Variants in SH2D3C observed in about 807,000 individuals in gnomAD.
The protein encoded by SH2D3C is SH2 domain containing 3C.
A neutral mutation model predicts 75.2 loss-of-function variants in SH2D3C; 25 were observed. The ratio of observed to expected loss-of-function variants is 0.33; its 90% confidence interval spans 0.24 to 0.46. The LOEUF (loss-of-function observed/expected upper bound fraction) is 0.46, where lower values mean the gene tolerates loss of function less well. Ranked by LOEUF, SH2D3C falls within the 20% of genes least tolerant of loss-of-function variation. The probability of loss-of-function intolerance (pLI) is 1.00; values close to 1 mark genes in which losing one functional copy is unlikely to be tolerated. For synonymous variants in SH2D3C, 450 were observed against 473.7 expected, an observed-to-expected ratio of 0.95 and a Z score of 0.65; for missense variants, 933 against 1,165.3, an observed-to-expected ratio of 0.80 and a Z score of 2.90.
chr9:127,761,511 G>T, intron 3 of SH2D3C, 100 bp downstream of exon 3: 2 of 797,486 alleles, frequency 2.5e-6, no homozygotes, highest in Non-Finnish European at 4.2e-6. Context: ...GTGAGGTCTG[G>T]CTCCTAACAA....
chr9:127,755,078 C>G, intron 3 of SH2D3C: 1 of 1,204,150 alleles, frequency 8.3e-7, no homozygotes, highest in Non-Finnish European at 1.0e-6. Flanking sequence ...CGCCCCCTCA[C>G]CTGCACCTGC....
chr9:127,771,153 C>T (rs942897286), intron 2 of SH2D3C: 27 of 1,502,306 alleles, frequency 1.8e-5, no homozygotes, highest in Non-Finnish European at 2.1e-5. Context: ...CTGCTCCCCG[C>T]TGGCCCTCCC....
intron 4 of SH2D3C, among the ~76,000 whole-genome samples, chr9:127,750,323 T>G (rs1845164169): frequency 6.6e-6 from 1 of 151,850 alleles, no homozygotes; most frequent in African/African-American, 2.4e-5. Flanking sequence ...CCTGGCTAAT[T>G]TTCGTATTTT....
chr9:127,764,045 A>C (rs1429662113), intron 2 of SH2D3C, among the ~76,000 whole-genome samples: 1 of 151,982 alleles, frequency 6.6e-6, no homozygotes, highest in Non-Finnish European at 1.5e-5. Flanking sequence ...AGGCCCGGAA[A>C]TCCTCCCACT....
intron 1 of SH2D3C, among the ~76,000 whole-genome samples, chr9:127,777,756 C>T (rs1031701524): frequency 6.6e-6 from 1 of 152,026 alleles, no homozygotes; most frequent in Admixed American, 6.6e-5. Flanking sequence ...AGATGGAGAA[C>T]GAAGTCAGTC....
chr9:127,738,893 C>T lies in SH2D3C; in HGVS notation c.2436G>A (p.Glu812=). The T allele has an allele frequency of 5.7e-6, 9 of 1,591,366 alleles. No individual in the cohort carries two copies. The highest frequency in any genetic ancestry group is 7.7e-6 in the Non-Finnish European group (9 of 1,168,688). Residue 812 remains glutamate, a synonymous_variant, in exon 12 of 12, where the codon GAG becomes GAA. Coordinates refer to ENST00000314830, the MANE Select transcript of SH2D3C (RefSeq NM_170600.3). This position sits in a 1 kb window ranked among gnomAD's most constrained non-coding sequence, Gnocchi z 5.0. ...QGFQARPELL[E]VFSTEFQMRL... ...GCATCTGGAACTCCGTGCTGAACAC[C>T]TCCAGGAGCTCCGGCCGGGCCTGGA...
chr9:127,776,823 C>A (rs930011522), intron 1 of SH2D3C, among the ~76,000 whole-genome samples: 1 of 152,206 alleles, frequency 6.6e-6, no homozygotes, highest in African/African-American at 2.4e-5. Context: ...GGTTTGCTTC[C>A]CAGCCCTGCC....
Position 127,738,977 on chromosome 9 carries a change from T to C in SH2D3C, c.2408-56A>G. On this transcript the variant is annotated intron_variant, in intron 11 of 11. Coordinates refer to ENST00000314830, the MANE Select transcript of SH2D3C (RefSeq NM_170600.3). The surrounding 1 kb of genome is among the most constrained non-coding windows in gnomAD (Gnocchi z 5.0). ...AGGCTGGGGTTCCTGTCCAGAGCCC[T>C]AGCATTCTTCAGGACCCCCCTGTTA... is the stretch of plus-strand genomic sequence containing the variant. 7.0e-7 allele frequency: 1 copy of C among 1,437,344 alleles called. No individual in the cohort carries two copies. Among genetic ancestry groups the C allele is most frequent in the South Asian group, 1.5e-5 (1 of 68,664 alleles). 89.0% of individuals were successfully genotyped at this position (1,437,344 alleles called of 1,614,324 possible). A position where few individuals can be genotyped will look rare whatever the true frequency, so the allele number is the denominator to read the frequency against.
intron 3 of SH2D3C, among the ~76,000 whole-genome samples, chr9:127,755,967 A>G (rs1017964521): frequency 6.6e-5 from 10 of 152,226 alleles, no homozygotes; most frequent in Admixed American, 5.2e-4. Context: ...TAAGCGCTCA[A>G]TAAGTGCACG....
chr9:127,771,520 C>G, intron 2 of SH2D3C: 1 of 485,486 alleles, frequency 2.1e-6, no homozygotes. Flanking sequence ...CTAGCACACC[C>G]CTCCGCCTCG....
intron 2 of SH2D3C, among the ~76,000 whole-genome samples, chr9:127,765,463 C>A (rs1845616439): frequency 6.6e-6 from 1 of 152,092 alleles, no homozygotes; most frequent in Non-Finnish European, 1.5e-5. Flanking sequence ...TCACAGCAGC[C>A]CCCTGCAGCC....
intron 3 of SH2D3C, among the ~76,000 whole-genome samples, chr9:127,752,019 A>G (rs1845216576): frequency 6.6e-6 from 1 of 152,190 alleles, no homozygotes; most frequent in Admixed American, 6.5e-5. Context: ...ATCCTCACCC[A>G]GATGGGGAGA....
intron 7 of SH2D3C, among the ~76,000 whole-genome samples, chr9:127,743,478 C>T (rs1844927382): frequency 6.6e-6 from 1 of 151,930 alleles, no homozygotes; most frequent in South Asian, 2.1e-4. Flanking sequence ...ACTCCAGCCT[C>T]GGTGACAGAG....
intron 6 of SH2D3C, among the ~76,000 whole-genome samples, chr9:127,745,989 T>A (rs1845019019): frequency 6.6e-6 from 1 of 152,194 alleles, no homozygotes; most frequent in African/African-American, 2.4e-5. Context: ...ACTTTTATAA[T>A]CCTCATTCTA....
At chr9:127,771,006 AG>A (rs1387497576) in intron 2 of SH2D3C, among the ~76,000 whole-genome samples, 1 of 152,164 alleles carries the variant, frequency 6.6e-6, no homozygotes, top group Non-Finnish European at 1.5e-5. Flanking sequence ...TGTTGTGTAG[AG>A]TAGATAAGCA....
In SH2D3C at chr9:127,774,137, A is replaced by C. The variant is rs1251641854; in HGVS notation, c.368T>G (p.Val123Gly). Reference protein sequence around the residue: ...DPPGLEAAKEVMVKATGPLED... With the variant: ...DPPGLEAAKEGMVKATGPLED... ...TAGAGGGCCAGTGGCCTTCACCATCACCTCTTTGGCTGCCTCCAAGCCTGG... is the reference window on the plus strand; with the variant it reads ...TAGAGGGCCAGTGGCCTTCACCATCCCCTCTTTGGCTGCCTCCAAGCCTGG... The change falls in exon 2 of 12, where the codon GTG becomes GGG. Residue 123 changes from valine (V) to glycine (G), a missense_variant. Transcript: ENST00000314830. This position sits in a 1 kb window ranked among gnomAD's most constrained non-coding sequence, Gnocchi z 4.3. The C allele has an allele frequency of 1.2e-6, 2 of 1,613,210 alleles. No individual in the cohort carries two copies. Among genetic ancestry groups the C allele is most frequent in the Non-Finnish European group, 1.7e-6 (2 of 1,179,836 alleles).
rs1391132152 is a variant in SH2D3C at position 127,778,633 on chromosome 9, C to A, written c.-6G>T. 1 of 1,613,738 alleles carries A rather than the reference C, an allele frequency of 6.2e-7. No homozygotes were observed. Among genetic ancestry groups the A allele is most frequent in the Non-Finnish European group, 8.5e-7 (1 of 1,179,658 alleles). The stretch of plus-strand genomic sequence containing the variant: ...TTCTTGGTCCCCTCTGTCATCTTGG[C>A]AAATTGTGTGAAGCCCTTGGCCAGC... On this transcript the variant is annotated 5_prime_UTR_variant, in exon 1 of 12. Coordinates refer to ENST00000314830, the MANE Select transcript of SH2D3C (RefSeq NM_170600.3).
At chr9:127,771,571 C>A (rs1024468685) in intron 2 of SH2D3C, 1 of 318,038 alleles carries the variant, frequency 3.1e-6, no homozygotes, top group African/African-American at 2.2e-5. Context: ...CAGCTCTCCG[C>A]GCAGCCTGGG....
In SH2D3C at chr9:127,749,333, G is replaced by A; in HGVS notation, c.1017C>T (p.Ser339=). 2.5e-6 allele frequency: 4 copies of A among 1,612,974 alleles called. No individual in the cohort carries two copies. The highest frequency in any genetic ancestry group is 3.4e-6 in the Non-Finnish European group (4 of 1,179,532). ...AGGGGCTGACGGGGCTAGCAGGCTT[G>A]CTACTCCCCTGTCCCAGGCCATAGC... ...EASYGLGQGS[S]KPASPVSPSG... The change falls in exon 5 of 12, where the codon AGC becomes AGT. Residue 339 remains serine (S), a synonymous_variant. Coordinates refer to ENST00000314830, the MANE Select transcript of SH2D3C (RefSeq NM_170600.3). The surrounding 1 kb of genome is among the most constrained non-coding windows in gnomAD (Gnocchi z 5.9).
Sources: allele counts gnomAD v4.1 joint callset (sites outside exome capture counted in the v4.1 genomes callset), GRCh38; gene constraint gnomAD v4.1.1; non-coding constraint Gnocchi (gnomAD v3.1); transcripts MANE v1.5; gene names NCBI Gene and HGNC (gene_info 2026-07-23, HGNC 2026-07-21).